The following UGT1A9 variants were observed in gnomAD, a reference collection of about 807,000 sequenced individuals.
The protein encoded by UGT1A9 is UDP glucuronosyltransferase family 1 member A9, also known as UDP-glucuronosyltransferase 1A9.
In UGT1A9, 35 loss-of-function variants were observed where a neutral mutation model predicts 45.0. That is an observed-to-expected ratio of 0.78 (90% confidence interval 0.59 to 1.03). UGT1A9 has a LOEUF of 1.03. Ranked by LOEUF, UGT1A9 falls within the 50% of genes least tolerant of loss-of-function variation. The pLI, the probability that UGT1A9 is intolerant of heterozygous loss-of-function variation, is 0.00. For missense variants in UGT1A9, 687 were observed against 666.6 expected (o/e 1.03, Z -0.34); for synonymous variants, 278 against 250.6 (o/e 1.11, Z -1.03).
intron 1 of UGT1A9, among the ~76,000 whole-genome samples, chr2:233,683,560 T>G (rs1408548719): frequency 6.6e-6 from 1 of 152,212 alleles, no homozygotes; most frequent in African/African-American, 2.4e-5. Context: ...GGCCTTCTTT[T>G]GCTATTACAT....
chr2:233,726,873 G>A (rs1410865062), intron 1 of UGT1A9, among the ~76,000 whole-genome samples: 1 of 151,998 alleles, frequency 6.6e-6, no homozygotes, highest in Non-Finnish European at 1.5e-5. Context: ...TATTCTCCAG[G>A]CTTCAGAGCT....
chr2:233,692,904 C>T (rs2075119430), intron 1 of UGT1A9: 3 of 1,547,216 alleles, frequency 1.9e-6, no homozygotes, highest in East Asian at 4.5e-5. Context: ...GTAGACAGGA[C>T]CTGTGAAAAG....
rs183557056 is a variant in UGT1A9 at position 233,739,734 on chromosome 2, G to A, written c.856-27300G>A. Reference sequence around the variant, plus strand: ...GGAAGGGACTTGACTTGTCTCAGATGAGACCTTGGACTATGGACTTTTGAG... The same window carrying A: ...GGAAGGGACTTGACTTGTCTCAGATAAGACCTTGGACTATGGACTTTTGAG... On this transcript the variant is annotated intron_variant, in intron 1 of 4. Transcript: ENST00000354728. Among the ~76,000 whole-genome samples the A allele has an allele frequency of 9.2e-3, 1,401 of 152,178 alleles. 30 individuals carry two copies. The highest frequency in any genetic ancestry group is 0.032 in the African/African-American group (1,315 of 41,414).
chr2:233,693,979 G>A, intron 1 of UGT1A9: 1 of 1,559,558 alleles, frequency 6.4e-7, no homozygotes. Context: ...AGAAACGGTG[G>A]GGGGAAGTGA....
rs1372667993 is a variant in UGT1A9 at position 233,718,421 on chromosome 2, A to G, written c.855+45632A>G. On this transcript the variant is annotated intron_variant, in intron 1 of 4. Coordinates refer to ENST00000354728, the MANE Select transcript of UGT1A9 (RefSeq NM_021027.3). Reference sequence around the variant, plus strand: ...AATAGCGTCACATTCAGCAGAGAACATGTGGTTGGGGACTAGGGCAATGGT... The same window carrying G: ...AATAGCGTCACATTCAGCAGAGAACGTGTGGTTGGGGACTAGGGCAATGGT... Among the ~76,000 whole-genome samples, 6 of 152,220 alleles carry G rather than the reference A, an allele frequency of 3.9e-5. No homozygotes were observed. The South Asian group carries it at 1.0e-3, about 26-fold the overall frequency.
At chr2:233,745,258 A>T (rs1322135753) in intron 1 of UGT1A9, among the ~76,000 whole-genome samples, 2 of 151,808 alleles carry the variant, frequency 1.3e-5, no homozygotes, top group East Asian at 1.9e-4. Flanking sequence ...AACCATTAAG[A>T]CTTGCAGGCC....
chr2:233,743,602 G>A (rs1559387317), intron 1 of UGT1A9: 9 of 1,367,156 alleles, frequency 6.6e-6, no homozygotes, highest in African/African-American at 3.0e-5. Flanking sequence ...GGTCCTGGCC[G>A]CCGAAGAACT....
chr2:233,712,961 G>T (rs2076264324), intron 1 of UGT1A9: 1 of 1,612,910 alleles, frequency 6.2e-7, no homozygotes, highest in Non-Finnish European at 8.5e-7. Context: ...AACGTGGGGT[G>T]GACAGTCAGC....
intron 1 of UGT1A9, among the ~76,000 whole-genome samples, chr2:233,701,227 A>G (rs1158815086): frequency 1.3e-5 from 2 of 152,172 alleles, no homozygotes; most frequent in African/African-American, 4.8e-5. Flanking sequence ...TCCTTTGGGT[A>G]TATACCCAGT....
intron 1 of UGT1A9, among the ~76,000 whole-genome samples, chr2:233,758,016 C>T (rs917731402): frequency 6.6e-6 from 1 of 152,144 alleles, no homozygotes; most frequent in African/African-American, 2.4e-5. Context: ...GAGTTTGTCT[C>T]TGTCTACCTG....
chr2:233,768,157 G>GGTGTGTCC lies in UGT1A9; in HGVS notation c.1076-63_1076-62insGTGTGTCC, dbSNP rs1279074414. 1.9e-6 allele frequency: 3 copies of GGTGTGTCC among 1,612,962 alleles called. No homozygotes were observed. The African/African-American group carries it at 4.0e-5, about 22-fold the overall frequency. On this transcript the variant is annotated intron_variant, in intron 3 of 4. Transcript: ENST00000354728. ...GTCTTTGGAGTGTTTTCAGAACCTA[G>GGTGTGTCC]ATGTGTCCAGCTGTGAAACTCAGAG...
chr2:233,714,048 G>C (rs2076362692), intron 1 of UGT1A9, among the ~76,000 whole-genome samples: 1 of 152,154 alleles, frequency 6.6e-6, no homozygotes, highest in Non-Finnish European at 1.5e-5. Flanking sequence ...GGTTTCAATG[G>C]CCACTGAGAG....
intron 1 of UGT1A9, among the ~76,000 whole-genome samples, chr2:233,728,656 G>A (rs187762667): frequency 2.0e-5 from 3 of 152,180 alleles, no homozygotes; most frequent in African/African-American, 4.8e-5. Flanking sequence ...TTTTGGATGC[G>A]CTGCGTTACT....
At chr2:233,673,406 AT>A (rs906939250) in intron 1 of UGT1A9, among the ~76,000 whole-genome samples, 1 of 152,096 alleles carries the variant, frequency 6.6e-6, no homozygotes, top group African/African-American at 2.4e-5. Context: ...GGCATTTTGC[AT>A]TTTTTGTCTT....
intron 1 of UGT1A9, among the ~76,000 whole-genome samples, chr2:233,701,439 A>G (rs557016008): frequency 1.8e-4 from 27 of 152,274 alleles, no homozygotes; most frequent in Admixed American, 1.6e-3. Flanking sequence ...GATCAACGAG[A>G]CAGAAAGTTA....
rs1208315583 is a variant in UGT1A9, at chr2:233,737,341, G to A, written c.856-29693G>A. 7.9e-5 allele frequency among the ~76,000 whole-genome samples: 12 copies of A among 152,224 alleles called. No homozygotes were observed. In the East Asian group the frequency reaches 2.1e-3, roughly 27 times the overall value. On this transcript the variant is annotated intron_variant, in intron 1 of 4. Coordinates refer to ENST00000354728, the MANE Select transcript of UGT1A9 (RefSeq NM_021027.3). ...CTGCACTAGCAGTGAGCAAGGCTCCGTGGGCATGGGAGCTGCTAAGCCAGG... is the reference window on the plus strand; with the variant it reads ...CTGCACTAGCAGTGAGCAAGGCTCCATGGGCATGGGAGCTGCTAAGCCAGG...
chr2:233,738,550 A>G (rs1046913634), intron 1 of UGT1A9, among the ~76,000 whole-genome samples: 1 of 152,224 alleles, frequency 6.6e-6, no homozygotes, highest in African/African-American at 2.4e-5. Flanking sequence ...AGTCTCAGAT[A>G]GAGATGAGGA....
chr2:233,744,908 A>T (rs1314296999), intron 1 of UGT1A9, among the ~76,000 whole-genome samples: 1 of 151,834 alleles, frequency 6.6e-6, no homozygotes, highest in African/African-American at 2.4e-5. Flanking sequence ...CAAAATCTAG[A>T]TGCTCAAGCT....
intron 1 of UGT1A9, chr2:233,692,765 G>T: frequency 8.0e-7 from 1 of 1,253,638 alleles, no homozygotes; most frequent in African/African-American, 1.5e-5. Context: ...GAGCTGAAGA[G>T]AAACACCCAG....
Sources: gnomAD v4.1 joint callset for allele counts (sites outside exome capture counted in the v4.1 genomes callset) on GRCh38, gnomAD v4.1.1 for gene constraint, MANE v1.5 for transcripts, NCBI Gene and HGNC (gene_info 2026-07-23, HGNC 2026-07-21) for gene names.